Variants in SMYD3 observed in about 807,000 individuals in gnomAD.
SMYD3 encodes the protein histone-lysine N-methyltransferase SMYD3.
In SMYD3, 36 loss-of-function variants were observed where a neutral mutation model predicts 57.7. That is an observed-to-expected ratio of 0.62 (90% CI 0.48 to 0.82). SMYD3 has a LOEUF of 0.82. SMYD3 is among the 40% of genes least tolerant of loss of function. The pLI is 0.00. For synonymous variants in SMYD3, 211 were observed against 195.0 expected (o/e 1.08, Z -0.68); for missense variants, 515 against 538.8 (o/e 0.96, Z 0.44).
chr1:246,124,753 G>A (rs1032904655), intron 5 of SMYD3, among the ~76,000 whole-genome samples: 1 of 152,128 alleles, frequency 6.6e-6, no homozygotes, highest in African/African-American at 2.4e-5. Flanking sequence ...TCTTGGTTGA[G>A]AATGTATCTG....
At chr1:246,230,311 A>T (rs2063391086) in intron 5 of SMYD3, among the ~76,000 whole-genome samples, 1 of 152,094 alleles carries the variant, frequency 6.6e-6, no homozygotes, top group Non-Finnish European at 1.5e-5. Context: ...GAGAAAGAAT[A>T]GGCCATTTCC....
intron 1 of SMYD3, among the ~76,000 whole-genome samples, chr1:246,506,007 T>C (rs1269508552): frequency 6.6e-6 from 1 of 152,200 alleles, no homozygotes; most frequent in Non-Finnish European, 1.5e-5. Flanking sequence ...AGCTCTAAAA[T>C]GCAAAGTCAT....
chr1:246,087,703 A>G (rs1035244102), intron 5 of SMYD3, among the ~76,000 whole-genome samples: 1 of 152,200 alleles, frequency 6.6e-6, no homozygotes, highest in African/African-American at 2.4e-5. Context: ...CTTGATTTTA[A>G]CTTTCAACAA....
chr1:246,095,895 A>T (rs2060904973), intron 5 of SMYD3, among the ~76,000 whole-genome samples: 1 of 152,156 alleles, frequency 6.6e-6, no homozygotes, highest in South Asian at 2.1e-4. Context: ...AAGAACAGTA[A>T]ATAAAGGAGA....
At chr1:246,491,558 AAAG>A (rs2068272416) in intron 1 of SMYD3, among the ~76,000 whole-genome samples, 6 of 147,900 alleles carry the variant, frequency 4.1e-5, no homozygotes, top group African/African-American at 7.4e-5. Flanking sequence ...AAAAAAAAAA[AAAG>A]AGAGAGAAAT....
At chr1:246,028,027 A>G (rs1044305481) in intron 5 of SMYD3, among the ~76,000 whole-genome samples, 12 of 152,228 alleles carry the variant, frequency 7.9e-5, no homozygotes, top group Non-Finnish European at 1.6e-4. Context: ...TTCAGTGAAG[A>G]AAGTAATCAG....
intron 5 of SMYD3, among the ~76,000 whole-genome samples, chr1:246,075,511 A>G (rs1390340208): frequency 6.6e-6 from 1 of 152,226 alleles, no homozygotes; most frequent in Admixed American, 6.5e-5. Flanking sequence ...CCAGCAAAAA[A>G]TTGTCTGCAA....
intron 5 of SMYD3, among the ~76,000 whole-genome samples, chr1:245,981,487 T>C (rs1358737662): frequency 6.6e-6 from 1 of 152,242 alleles, no homozygotes; most frequent in Non-Finnish European, 1.5e-5. Flanking sequence ...TACATTTACA[T>C]TAGAAATGTT....
At chr1:246,302,629 T>C (rs1322225575) in intron 5 of SMYD3, among the ~76,000 whole-genome samples, 3 of 152,110 alleles carry the variant, frequency 2.0e-5, no homozygotes, top group Non-Finnish European at 2.9e-5. Context: ...GTTAGCTAAG[T>C]AGGCTGAGTA....
chr1:246,312,329 G>A (rs2065093451), intron 5 of SMYD3, among the ~76,000 whole-genome samples: 1 of 152,074 alleles, frequency 6.6e-6, no homozygotes, highest in Non-Finnish European at 1.5e-5. Context: ...AAAATGAATT[G>A]AGACTCAGGG....
At chr1:246,364,229 A>AC (rs2066059791) in intron 1 of SMYD3, among the ~76,000 whole-genome samples, 1 of 152,106 alleles carries the variant, frequency 6.6e-6, no homozygotes, top group Non-Finnish European at 1.5e-5. Context: ...AGCCAAAAAA[A>AC]AAAAAAAAAA....
At chr1:246,022,109 G>A (rs550167755) in intron 5 of SMYD3, among the ~76,000 whole-genome samples, 18 of 152,272 alleles carry the variant, frequency 1.2e-4, no homozygotes, top group African/African-American at 3.1e-4. Context: ...ATCAAATGAC[G>A]AGAGAACGCA....
intron 10 of SMYD3, among the ~76,000 whole-genome samples, chr1:245,779,504 C>T (rs1272986700): frequency 1.3e-5 from 2 of 152,210 alleles, no homozygotes; most frequent in African/African-American, 2.4e-5. Flanking sequence ...TATATGACTT[C>T]TCCCAGATTG....
chr1:246,071,169 A>G (rs2060435482), intron 5 of SMYD3, among the ~76,000 whole-genome samples: 1 of 152,240 alleles, frequency 6.6e-6, no homozygotes, highest in African/African-American at 2.4e-5. Context: ...AAGTAAAAAT[A>G]AGGATGTTGC....
intron 11 of SMYD3, among the ~76,000 whole-genome samples, chr1:245,761,805 T>G (rs1044633926): frequency 7.3e-5 from 11 of 150,200 alleles, no homozygotes; most frequent in Non-Finnish European, 1.2e-4. Context: ...TTTTTTTTTT[T>G]GAGACAGTCT....
intron 4 of SMYD3, among the ~76,000 whole-genome samples, chr1:246,328,623 T>C (rs34546530): frequency 0.15 from 23,267 of 152,016 alleles, 2,257 homozygotes; most frequent in East Asian, 0.42. Flanking sequence ...TTCTTTTTTT[T>C]TCTATTTTAT....
In SMYD3 at chr1:245,762,783, G is replaced by A. The variant is rs180683620; in HGVS notation, c.1185+1258C>T. Among the ~76,000 whole-genome samples, 326 of 152,254 alleles carry A rather than the reference G, an allele frequency of 2.1e-3. 1 individual carries two copies. Among genetic ancestry groups the A allele is most frequent in the African/African-American group, 7.6e-3 (316 of 41,544 alleles). ...TCATTTCTCTTAGGTCCATGTGGGC[G>A]GCTGCCAGTGTTTTGGGATCAGCCG... On this transcript the variant is annotated intron_variant, in intron 11 of 11. Coordinates refer to ENST00000490107, the MANE Select transcript of SMYD3 (RefSeq NM_001167740.2).
intron 8 of SMYD3, among the ~76,000 whole-genome samples, chr1:245,868,726 T>C (rs1193450899): frequency 6.6e-6 from 1 of 152,188 alleles, no homozygotes; most frequent in Non-Finnish European, 1.5e-5. Flanking sequence ...CTAATAGCTA[T>C]CACCTCCCTG....
intron 5 of SMYD3, among the ~76,000 whole-genome samples, chr1:246,268,961 AC>A (rs5782388): frequency 0.33 from 50,608 of 151,592 alleles, 9,228 homozygotes; most frequent in East Asian, 0.72. Flanking sequence ...AACCCAATTA[AC>A]CCTAAAGTAG....
Sources: gnomAD v4.1 joint callset for allele counts (sites outside exome capture counted in the v4.1 genomes callset) on GRCh38, gnomAD v4.1.1 for gene constraint, MANE v1.5 for transcripts, NCBI Gene and HGNC (gene_info 2026-07-23, HGNC 2026-07-21) for gene names.